The following MOV10L1 variants were observed in gnomAD, a reference collection of about 807,000 sequenced individuals.
MOV10L1 encodes Mov10 like RNA helicase 1, also known as RNA helicase Mov10l1.
Under a neutral mutation model 143.8 loss-of-function variants are expected in MOV10L1, and 110 were observed. The observed-to-expected ratio is 0.76, with a 90% confidence interval of 0.66 to 0.90. The LOEUF is 0.90. MOV10L1 is among the 40% of genes least tolerant of loss of function. The pLI, the probability that MOV10L1 is intolerant of heterozygous loss-of-function variation, is 0.00. For synonymous variants in MOV10L1, 593 were observed against 581.1 expected (o/e 1.02, Z -0.29); for missense variants, 1,406 against 1,526.8 (o/e 0.92, Z 1.32).
chr22:50,145,068 A>G (rs1275799182), intron 18 of MOV10L1, among the ~76,000 whole-genome samples: 1 of 151,818 alleles, frequency 6.6e-6, no homozygotes, highest in Non-Finnish European at 1.5e-5. Flanking sequence ...TCAGCCTCCT[A>G]AGTACCTAGG....
intron 13 of MOV10L1, among the ~76,000 whole-genome samples, 195 bp downstream of exon 13, chr22:50,128,702 G>A (rs894845878): frequency 2.6e-5 from 4 of 151,834 alleles, no homozygotes; most frequent in African/African-American, 9.7e-5. Context: ...CTGCCACCAC[G>A]CCTGGCTAAT....
intron 25 of MOV10L1, 58 bp downstream of exon 25, chr22:50,160,883 C>T (rs2063543211): frequency 6.2e-7 from 1 of 1,613,226 alleles, no homozygotes; most frequent in Admixed American, 1.7e-5. Flanking sequence ...GTCCGGGTCA[C>T]TCGGGGTGAG....
At chr22:50,130,448 G>T (rs2062639126) in intron 13 of MOV10L1, among the ~76,000 whole-genome samples, 1 of 152,152 alleles carries the variant, frequency 6.6e-6, no homozygotes, top group South Asian at 2.1e-4. Flanking sequence ...GAGAATGAAT[G>T]AATGGACTAC....
chr22:50,133,041 A>AAAAC (rs1555996038), intron 13 of MOV10L1, among the ~76,000 whole-genome samples: 3 of 151,114 alleles, frequency 2.0e-5, no homozygotes, highest in Admixed American at 6.6e-5. Context: ...TCTGAAAAAA[A>AAAAC]AAAAACCAAA....
intron 25 of MOV10L1, 28 bp from the exon 26 acceptor site, chr22:50,160,936 A>G: frequency 6.2e-7 from 1 of 1,613,800 alleles, no homozygotes; most frequent in Non-Finnish European, 8.5e-7. Flanking sequence ...ACTTGCTCTC[A>G]CACCAGGCTA....
intron 5 of MOV10L1, among the ~76,000 whole-genome samples, chr22:50,111,092 A>G (rs530516817): frequency 1.3e-5 from 2 of 152,294 alleles, no homozygotes; most frequent in East Asian, 3.9e-4. Context: ...TATGTGAGAC[A>G]GGTCTCAATC....
chr22:50,146,638 A>C (rs1315366118), intron 19 of MOV10L1, among the ~76,000 whole-genome samples: 1 of 150,958 alleles, frequency 6.6e-6, no homozygotes, highest in Non-Finnish European at 1.5e-5. Context: ...CCAGCGTCAC[A>C]GTGGTCGTGA....
Position 50,090,084 on chromosome 22 carries a change from G to C in MOV10L1, c.-5G>C, listed in dbSNP as rs1449919964. 3 of 1,316,414 alleles carry C rather than the reference G, an allele frequency of 2.3e-6. No individual in the cohort carries two copies. The highest frequency in any genetic ancestry group is 1.9e-6 in the Non-Finnish European group (2 of 1,031,720). The allele number at this position is 1,316,414 out of a possible 1,614,324, so 81.5% of individuals were successfully genotyped here. A position where few individuals can be genotyped will look rare whatever the true frequency, so the allele number is the denominator to read the frequency against. On this transcript the variant is annotated 5_prime_UTR_variant, in exon 1 of 27. Coordinates refer to ENST00000262794, the MANE Select transcript of MOV10L1 (RefSeq NM_018995.3). Reference sequence around the variant, plus strand: ...GGTGACGGCAGCCTAGGCCGGGCGAGGGCCATGCTGAGCCTCGCAGCCAAG... The same window carrying C: ...GGTGACGGCAGCCTAGGCCGGGCGACGGCCATGCTGAGCCTCGCAGCCAAG...
chr22:50,126,911 C>T (rs1449626770), intron 12 of MOV10L1, among the ~76,000 whole-genome samples: 1 of 152,198 alleles, frequency 6.6e-6, no homozygotes, highest in African/African-American at 2.4e-5. Flanking sequence ...GAGGCAGCTT[C>T]CGACCTTTGA....
chr22:50,159,795 C>G lies in MOV10L1; in HGVS notation c.3324+10C>G. 1 of 1,581,246 alleles carries G rather than the reference C, an allele frequency of 6.3e-7. No homozygotes were observed. The highest frequency in any genetic ancestry group is 8.7e-7 in the Non-Finnish European group (1 of 1,151,770). On this transcript the variant is annotated intron_variant, in intron 24 of 26. Transcript: ENST00000262794. This position sits in a 1 kb window ranked among gnomAD's most constrained non-coding sequence, Gnocchi z 4.1. ...CATCATCATTTCGACCGTAGGTATC[C>G]CTGTTCTCCGTGGGGATGGACAGTC...
At chr22:50,131,724 A>G (rs1157987886) in intron 13 of MOV10L1, among the ~76,000 whole-genome samples, 4 of 103,774 alleles carry the variant, frequency 3.9e-5, no homozygotes, top group Non-Finnish European at 9.3e-5. Flanking sequence ...ACCTTTGTGA[A>G]AAAAAAAAAA....
At chr22:50,160,592 T>G in intron 24 of MOV10L1, 96 bp from the exon 25 acceptor site, 1 of 1,437,240 alleles carries the variant, frequency 7.0e-7, no homozygotes, top group South Asian at 1.4e-5. Flanking sequence ...CATTCTGCTA[T>G]TTAACATTTT....
Position 50,144,361 on chromosome 22 carries a change from C to T in MOV10L1, c.2505+118C>T, listed in dbSNP as rs1227051977. 4 of 1,300,672 alleles carry T rather than the reference C, an allele frequency of 3.1e-6. No homozygotes were observed. In the African/African-American group the frequency reaches 5.9e-5, roughly 19 times the overall value. 80.6% of individuals were successfully genotyped at this position (1,300,672 alleles called of 1,614,324 possible). ...GTGGGCACAGAGGCGCCACAGAAAG[C>T]TGTGTTTGAGAAATGGCTCTGCCAT... On this transcript the variant is annotated intron_variant, in intron 18 of 26. Transcript: ENST00000262794.
In MOV10L1 at chr22:50,113,954, C is replaced by T. The variant is rs186906439; in HGVS notation, c.884+166C>T. ...TTTTTTTTGAGACAGCGTCTTGCTC[C>T]GTCGCCCGGGCTGGAGTGCAGTGGC... On this transcript the variant is annotated intron_variant, in intron 6 of 26. Transcript: ENST00000262794. 5.1e-3 allele frequency among the ~76,000 whole-genome samples: 719 copies of T among 140,908 alleles called. 6 individuals are homozygous for T. Among genetic ancestry groups the T allele is most frequent in the African/African-American group, 0.018 (676 of 36,678 alleles). The allele number at this position is 140,908 out of a possible 152,430, so 92.4% of individuals were successfully genotyped here. A position where few individuals can be genotyped will look rare whatever the true frequency, so the allele number is the denominator to read the frequency against.
chr22:50,112,235 G>A (rs1272276708), intron 5 of MOV10L1, among the ~76,000 whole-genome samples: 1 of 152,216 alleles, frequency 6.6e-6, no homozygotes, highest in Non-Finnish European at 1.5e-5. Context: ...GATGTGACGT[G>A]CACTGCTCCC....
intron 9 of MOV10L1, 54 bp downstream of exon 9, chr22:50,117,405 G>A (rs2062211536): frequency 1.3e-6 from 2 of 1,583,420 alleles, no homozygotes; most frequent in Non-Finnish European, 1.7e-6. Flanking sequence ...ATCTGTGAAG[G>A]AAAAGCGGAC....
intron 17 of MOV10L1, 54 bp downstream of exon 17, chr22:50,143,275 G>C: frequency 6.4e-7 from 1 of 1,565,918 alleles, no homozygotes; most frequent in Non-Finnish European, 8.8e-7. Flanking sequence ...TTCATGTGTC[G>C]TCTGTGTCTT....
At chr22:50,098,683 A>G (rs2062658812) in intron 2 of MOV10L1, among the ~76,000 whole-genome samples, 1 of 152,180 alleles carries the variant, frequency 6.6e-6, no homozygotes, top group Non-Finnish European at 1.5e-5. Context: ...AGATCCTACC[A>G]TCTGTGAATA....
At chr22:50,108,100 T>G (rs555207061) in intron 3 of MOV10L1, 36 bp from the exon 4 acceptor site, 24 of 1,593,072 alleles carry the variant, frequency 1.5e-5, no homozygotes, top group South Asian at 7.7e-5. Context: ...CTTGTGCACT[T>G]TAACACTACC....
Sources: gnomAD v4.1 joint callset for allele counts (sites outside exome capture counted in the v4.1 genomes callset) on GRCh38, gnomAD v4.1.1 for gene constraint, Gnocchi (gnomAD v3.1) non-coding constraint, MANE v1.5 for transcripts, NCBI Gene and HGNC (gene_info 2026-07-23, HGNC 2026-07-21) for gene names.